The following TIAM2 variants were observed in gnomAD, a reference collection of about 807,000 sequenced individuals.
TIAM2 encodes the protein TIAM Rac1 associated GEF 2.
TIAM2 carries 80 observed loss-of-function variants against 152.9 expected under a neutral mutation model. The observed-to-expected ratio is 0.52, with a 90% CI of 0.44 to 0.63. The LOEUF is 0.63. Among genes scored for constraint, TIAM2 ranks in the 30% least tolerant of loss-of-function variants. The probability of loss-of-function intolerance (pLI) is 0.00; values close to 1 mark genes in which losing one functional copy is unlikely to be tolerated. For synonymous variants in TIAM2, 804 were observed against 838.0 expected (o/e 0.96, Z 0.70); for missense variants, 1,965 against 2,120.1 (o/e 0.93, Z 1.44).
At chr6:155,223,712 T>G (rs1478071773) in intron 15 of TIAM2, among the ~76,000 whole-genome samples, 1 of 152,116 alleles carries the variant, frequency 6.6e-6, no homozygotes, top group Non-Finnish European at 1.5e-5. Flanking sequence ...CAAACTTTTA[T>G]GGATCTCTTT....
chr6:155,022,431 C>G (rs1160098001), intron 1 of TIAM2: 5 of 152,472 alleles, frequency 3.3e-5, no homozygotes, highest in African/African-American at 1.2e-4. Flanking sequence ...TCCTGAGTAG[C>G]TGGAACTACA....
intron 1 of TIAM2, among the ~76,000 whole-genome samples, chr6:155,009,091 CTTTTTTTTTTTTTT>C (rs61651734): frequency 6.5e-5 from 4 of 61,440 alleles, no homozygotes; most frequent in Middle Eastern, 8.2e-3. Context: ...CTCAGAAGAT[CTTTTTTTTTTTTTT>C]TTTTTTTTTT....
intron 15 of TIAM2, among the ~76,000 whole-genome samples, chr6:155,217,509 G>A (rs1487474401): frequency 6.6e-6 from 1 of 152,186 alleles, no homozygotes; most frequent in Admixed American, 6.5e-5. Context: ...TTTCCTTGGA[G>A]TATAGCACAT....
rs201424411 is a variant in TIAM2 at position 155,252,973 on chromosome 6, A to C, written c.4145A>C (p.Asn1382Thr). The C allele has an allele frequency of 1.0e-4, 168 of 1,612,872 alleles. No homozygotes were observed. In the Admixed American group the frequency reaches 2.7e-3, roughly 26 times the overall value. ...KLPSNSRPAH[N>T]STDLDPFKFR... ...CCCTCGAATTCCCGGCCTGCACACA[A>C]CTCTACTGACTTGGACCCATTTAAA... Residue 1382 changes from asparagine (N) to threonine (T), a missense_variant, in exon 24 of 27, where the codon AAC (asparagine) becomes ACC (threonine). Asn to Thr is a moderately conservative substitution (Grantham distance 65, BLOSUM62 0). This residue lies in a region of TIAM2 where 935 missense variants were observed against 980.0 expected (regional missense o/e 0.95). Coordinates refer to ENST00000682666, the MANE Select transcript of TIAM2 (RefSeq NM_012454.4).
At chr6:155,069,602 A>G (rs1357657194) in intron 1 of TIAM2, among the ~76,000 whole-genome samples, 2 of 144,694 alleles carry the variant, frequency 1.4e-5, no homozygotes, top group South Asian at 2.3e-4. Flanking sequence ...GACATAAGGA[A>G]TTATACTGTA....
intron 24 of TIAM2, 143 bp from the exon 25 acceptor site, chr6:155,253,830 A>AT (rs1783829755): frequency 1.6e-6 from 1 of 615,932 alleles, no homozygotes; most frequent in Non-Finnish European, 2.8e-6. Flanking sequence ...AAAATCATAC[A>AT]TAGAACAAGC....
At chr6:155,191,780 G>GT (rs1287659406) in intron 14 of TIAM2, among the ~76,000 whole-genome samples, 4 of 151,522 alleles carry the variant, frequency 2.6e-5, no homozygotes, top group Non-Finnish European at 1.5e-5. Flanking sequence ...GGATGACAGA[G>GT]TGAGACTCTG....
intron 14 of TIAM2, among the ~76,000 whole-genome samples, chr6:155,209,821 G>A (rs1781679560): frequency 1.3e-5 from 2 of 152,168 alleles, no homozygotes; most frequent in African/African-American, 2.4e-5. Flanking sequence ...CTGTGTAGTG[G>A]TTGGTAATAT....
At position 155,079,853 on chromosome 6, in the gene TIAM2, T is replaced by C. The variant is rs563757856; in HGVS notation, c.-208-10436T>C. On this transcript the variant is annotated intron_variant, in intron 1 of 26. Coordinates refer to ENST00000682666, the MANE Select transcript of TIAM2 (RefSeq NM_012454.4). ...ATCCCAGCTTCTCAGAAGGCTGAGGTAGGAGAATCGCTTGAAACTGGGAGG... is the reference window on the plus strand; with the variant it reads ...ATCCCAGCTTCTCAGAAGGCTGAGGCAGGAGAATCGCTTGAAACTGGGAGG... 2.4e-3 allele frequency among the ~76,000 whole-genome samples: 359 copies of C among 152,160 alleles called. 3 individuals carry two copies. The highest frequency in any genetic ancestry group is 8.0e-3 in the African/African-American group (334 of 41,502).
intron 12 of TIAM2, among the ~76,000 whole-genome samples, chr6:155,181,107 A>G (rs369044533): frequency 6.6e-6 from 1 of 152,222 alleles, no homozygotes; most frequent in Non-Finnish European, 1.5e-5. Flanking sequence ...ATAATCTGCC[A>G]GGCTCTGCTG....
rs539899102 is a variant in TIAM2, at chr6:155,095,089, G to C, written c.-118+4710G>C. Among the ~76,000 whole-genome samples the C allele has an allele frequency of 4.6e-5, 7 of 152,208 alleles. No individual in the cohort carries two copies. In the East Asian group the frequency reaches 7.7e-4, roughly 17 times the overall value. On this transcript the variant is annotated intron_variant, in intron 2 of 26. Transcript: ENST00000682666. The stretch of plus-strand genomic sequence containing the variant: ...CTCCTGGCTTGGTGAAATGGGGACA[G>C]TGTGTAATTTGCACACGTCTGTGAT...
intron 1 of TIAM2, among the ~76,000 whole-genome samples, chr6:155,070,180 A>G (rs6920078): frequency 0.31 from 42,765 of 138,914 alleles, 6,945 homozygotes; most frequent in Middle Eastern, 0.39. Flanking sequence ...TGCTGAGATT[A>G]CAGGTATGAG....
At chr6:155,081,628 C>T (rs1402135964) in intron 1 of TIAM2, among the ~76,000 whole-genome samples, 1 of 152,158 alleles carries the variant, frequency 6.6e-6, no homozygotes, top group Non-Finnish European at 1.5e-5. Context: ...CCACTTATTC[C>T]ACAGGTACTT....
At chr6:155,208,195 GTCT>G (rs1781637353) in intron 14 of TIAM2, among the ~76,000 whole-genome samples, 1 of 152,166 alleles carries the variant, frequency 6.6e-6, no homozygotes, top group South Asian at 2.1e-4. Flanking sequence ...GAAATACCAA[GTCT>G]TCTTATTTAC....
At chr6:155,032,590 G>T (rs1310167266) in intron 1 of TIAM2, among the ~76,000 whole-genome samples, 3 of 152,144 alleles carry the variant, frequency 2.0e-5, no homozygotes, top group African/African-American at 7.2e-5. Flanking sequence ...GCCCAGGCTG[G>T]AGTGCAGTGG....
chr6:155,166,960 C>G (rs1780455641), intron 9 of TIAM2, among the ~76,000 whole-genome samples: 1 of 152,168 alleles, frequency 6.6e-6, no homozygotes, highest in Admixed American at 6.5e-5. Context: ...GAAAGAGAGT[C>G]ACATTTTATT....
At chr6:155,240,787 C>A in intron 16 of TIAM2, 78 bp downstream of exon 16, 1 of 1,451,472 alleles carries the variant, frequency 6.9e-7, no homozygotes, top group Admixed American at 2.0e-5. Flanking sequence ...GTCCCCAGAT[C>A]ACCTCTGCCC....
chr6:155,051,533 C>T (rs948095667), intron 1 of TIAM2, among the ~76,000 whole-genome samples: 1 of 152,124 alleles, frequency 6.6e-6, no homozygotes, highest in African/African-American at 2.4e-5. Flanking sequence ...GGACGGAGAC[C>T]CAAATCCACC....
At chr6:155,007,152 A>G (rs1320558802) in intron 1 of TIAM2, among the ~76,000 whole-genome samples, 2 of 152,142 alleles carry the variant, frequency 1.3e-5, no homozygotes, top group Non-Finnish European at 2.9e-5. Flanking sequence ...TAGGGCATTC[A>G]GTGTGTGGAG....
Sources: gnomAD v4.1 joint callset for allele counts (sites outside exome capture counted in the v4.1 genomes callset) on GRCh38, gnomAD v4.1.1 for gene constraint, gnomAD v4.1.1 regional missense constraint, MANE v1.5 for transcripts, NCBI Gene and HGNC (gene_info 2026-07-23, HGNC 2026-07-21) for gene names.